Variants in TMEM260 observed in about 807,000 individuals in gnomAD.
The protein encoded by TMEM260 is transmembrane protein 260, also known as protein O-mannosyl-transferase TMEM260.
In TMEM260, 82 loss-of-function variants were observed where a neutral mutation model predicts 88.9. The ratio of observed to expected loss-of-function variants is 0.92; its 90% CI spans 0.77 to 1.11. TMEM260 has a LOEUF of 1.11. Among genes scored for constraint, TMEM260 ranks in the 50% least tolerant of loss-of-function variants. TMEM260 has a pLI of 0.00. For synonymous variants in TMEM260, 314 were observed against 309.3 expected, an observed-to-expected ratio of 1.02 and a Z score of -0.16; for missense variants, 902 against 853.4, an observed-to-expected ratio of 1.06 and a Z score of -0.71.
At chr14:56,654,828 A>G (rs1415759028), downstream of TMEM260, among the ~76,000 whole-genome samples, 3 of 150,194 alleles carry the variant, frequency 2.0e-5, no homozygotes, top group Non-Finnish European at 4.4e-5. Context: ...AAAAAAAAAA[A>G]AAAAAAAAAA....
chr14:56,641,620 T>C (rs1889600328), intron 15 of TMEM260, among the ~76,000 whole-genome samples: 1 of 152,022 alleles, frequency 6.6e-6, no homozygotes, highest in African/African-American at 2.4e-5. Flanking sequence ...ATGAGGAAAA[T>C]AACCAGCTAA....
chr14:56,660,870 G>A, the TMEM260 span, among the ~76,000 whole-genome samples: 1 of 152,314 alleles, frequency 6.6e-6, no homozygotes, highest in Admixed American at 6.5e-5. Context: ...CTGTCCACAA[G>A]CTGGGTGAAG....
intron 3 of TMEM260, among the ~76,000 whole-genome samples, chr14:56,587,883 T>TGA (rs1307156062): frequency 6.6e-6 from 1 of 152,010 alleles, no homozygotes; most frequent in Admixed American, 6.6e-5. Flanking sequence ...GCCTATTGAT[T>TGA]GAGTGGAAGA....
intron 3 of TMEM260, among the ~76,000 whole-genome samples, chr14:56,593,957 T>G (rs891221058): frequency 3.3e-5 from 5 of 151,388 alleles, no homozygotes; most frequent in Admixed American, 1.3e-4. Context: ...AAAGTGCTGG[T>G]ATTACAGGCG....
At chr14:56,632,942 A>T (rs1888726563) in intron 12 of TMEM260, 53 bp from the exon 13 acceptor site, 1 of 1,468,334 alleles carries the variant, frequency 6.8e-7, no homozygotes, top group Admixed American at 1.8e-5. Context: ...TATTTACTTA[A>T]CATTTAAAAC....
intron 3 of TMEM260, among the ~76,000 whole-genome samples, chr14:56,589,472 T>A (rs1268750023): frequency 1.3e-5 from 2 of 152,160 alleles, no homozygotes; most frequent in African/African-American, 2.4e-5. Flanking sequence ...TACTATTAAA[T>A]AGGCAGTTTT....
downstream of TMEM260, among the ~76,000 whole-genome samples, chr14:56,652,380 T>G (rs1203002702): frequency 6.6e-6 from 1 of 151,674 alleles, no homozygotes; most frequent in Non-Finnish European, 1.5e-5. Context: ...CACCTGTGGT[T>G]CCAGCTACTT....
chr14:56,658,435 C>T, the TMEM260 span, among the ~76,000 whole-genome samples: 2 of 151,688 alleles, frequency 1.3e-5, no homozygotes, highest in Admixed American at 6.6e-5. Flanking sequence ...TTTGTAGAGA[C>T]GGGGTTTCAC....
downstream of TMEM260, among the ~76,000 whole-genome samples, chr14:56,653,452 G>A (rs140314608): frequency 1.2e-3 from 176 of 151,912 alleles, no homozygotes; most frequent in African/African-American, 4.1e-3. Context: ...CTTAACACCA[G>A]GCCAGGCACG....
Position 56,625,362 on chromosome 14 carries a change from A to G in TMEM260, c.1399-20A>G. The G allele has an allele frequency of 6.2e-7, 1 of 1,608,834 alleles. No homozygotes were observed. The highest frequency in any genetic ancestry group is 8.5e-7 in the Non-Finnish European group (1 of 1,178,562). ...AGAAATATATTAAAAGTCTGACATTATGTGTGACTTTTCTGGCAGATGATG... is the reference window on the plus strand; with the variant it reads ...AGAAATATATTAAAAGTCTGACATTGTGTGTGACTTTTCTGGCAGATGATG... On this transcript the variant is annotated intron_variant, in intron 11 of 15. Coordinates refer to ENST00000261556, the MANE Select transcript of TMEM260 (RefSeq NM_017799.4).
intron 1 of TMEM260, among the ~76,000 whole-genome samples, chr14:56,583,838 C>G (rs1885297085): frequency 6.6e-6 from 1 of 152,116 alleles, no homozygotes; most frequent in Non-Finnish European, 1.5e-5. Context: ...TAAGATTTGA[C>G]TGGAGGGAAC....
intron 1 of TMEM260, among the ~76,000 whole-genome samples, chr14:56,580,764 T>C (rs115287423): frequency 0.013 from 1,928 of 152,348 alleles, 49 homozygotes; most frequent in African/African-American, 0.044. Flanking sequence ...ACTAATTGTT[T>C]TGTATTTGAT....
chr14:56,591,504 T>G (rs906059194), intron 3 of TMEM260, among the ~76,000 whole-genome samples: 9 of 152,210 alleles, frequency 5.9e-5, no homozygotes, highest in African/African-American at 2.2e-4. Flanking sequence ...ATCTTCTAAG[T>G]TTTCAGTTAG....
chr14:56,644,425 T>C (rs1304919536), intron 15 of TMEM260, among the ~76,000 whole-genome samples: 2 of 152,182 alleles, frequency 1.3e-5, no homozygotes, highest in Non-Finnish European at 2.9e-5. Context: ...ATTTAATAAA[T>C]GGTGCTGGGA....
intron 15 of TMEM260, among the ~76,000 whole-genome samples, chr14:56,639,046 G>T (rs969587271): frequency 6.6e-6 from 1 of 152,172 alleles, no homozygotes; most frequent in African/African-American, 2.4e-5. Context: ...TTGTCCTGCT[G>T]CCTGAAGACT....
At chr14:56,596,553 G>A (rs1243043797) in intron 3 of TMEM260, among the ~76,000 whole-genome samples, 1 of 150,162 alleles carries the variant, frequency 6.7e-6, no homozygotes, top group East Asian at 2.0e-4. Context: ...GATCACCTGA[G>A]GTCAGGAGTT....
At chr14:56,607,868 ACT>A (rs1246016879) in intron 5 of TMEM260, among the ~76,000 whole-genome samples, 1 of 151,998 alleles carries the variant, frequency 6.6e-6, no homozygotes, top group Non-Finnish European at 1.5e-5. Context: ...TTATTCCCCA[ACT>A]CTGCAATAGC....
rs201776334 is a variant in TMEM260, at chr14:56,621,607, A to G, written c.1303A>G (p.Ile435Val). ...TCTCACCTCTATGCCTCATGATGCA[A>G]TTATCTTACTCAGAGGAGATTTGCC... ...NLLTSMPHDA[I>V]ILLRGDLPGN... Residue 435 changes from isoleucine to valine, a missense_variant, in exon 11 of 16, where the codon ATT becomes GTT. Coordinates refer to ENST00000261556, the MANE Select transcript of TMEM260 (RefSeq NM_017799.4). 40 of 1,613,584 alleles carry G rather than the reference A, an allele frequency of 2.5e-5. No homozygotes were observed. The African/African-American group carries it at 4.1e-4, about 17-fold the overall frequency.
At chr14:56,610,966 TC>T (rs5808873) in intron 6 of TMEM260, among the ~76,000 whole-genome samples, 7,755 of 143,974 alleles carry the variant, frequency 0.054, 298 homozygotes, top group East Asian at 0.14. Flanking sequence ...TTTCTTTCTT[TC>T]TTTTTTTTTT....
Sources: gnomAD v4.1 joint callset for allele counts (sites outside exome capture counted in the v4.1 genomes callset) on GRCh38, gnomAD v4.1.1 for gene constraint, MANE v1.5 for transcripts, NCBI Gene and HGNC (gene_info 2026-07-23, HGNC 2026-07-21) for gene names.